The following ASIC2 variants were observed in gnomAD, a reference collection of about 807,000 sequenced individuals.
ASIC2 encodes acid sensing ion channel subunit 2, also known as acid-sensing ion channel 2.
In ASIC2, 25 loss-of-function variants were observed where a neutral mutation model predicts 57.3. That is an observed-to-expected ratio of 0.44 (90% CI 0.32 to 0.61). The LOEUF is 0.61. Ranked by LOEUF, ASIC2 falls within the 20% of genes least tolerant of loss-of-function variation. The pLI is 0.06. For missense variants in ASIC2, 641 were observed against 738.1 expected, an observed-to-expected ratio of 0.87 and a Z score of 1.52; for synonymous variants, 319 against 307.5, an observed-to-expected ratio of 1.04 and a Z score of -0.39.
rs116414570 is a variant in ASIC2, at chr17:33,540,894, A to G, written c.556-428827T>C. Reference sequence around the variant, plus strand: ...TATATGTGCTTTTCACACATTTCACATCGTTGTTGCAATAGACACAATCCC... The same window carrying G: ...TATATGTGCTTTTCACACATTTCACGTCGTTGTTGCAATAGACACAATCCC... On this transcript the variant is annotated intron_variant, in intron 1 of 9. Coordinates refer to the ASIC2 transcript ENST00000359872. Among the ~76,000 whole-genome samples the G allele has an allele frequency of 3.0e-3, 464 of 152,316 alleles. 5 individuals are homozygous for G. Among genetic ancestry groups the G allele is most frequent in the African/African-American group, 0.011 (441 of 41,570 alleles).
At chr17:33,624,604 G>T (rs1230675184) in intron 1 of ASIC2, among the ~76,000 whole-genome samples, 2 of 152,210 alleles carry the variant, frequency 1.3e-5, no homozygotes, top group Non-Finnish European at 1.5e-5. Context: ...AGGAGCGTTG[G>T]AAGAAGAGTC....
chr17:33,538,097 A>T (rs1411365803), intron 1 of ASIC2, among the ~76,000 whole-genome samples: 1 of 152,240 alleles, frequency 6.6e-6, no homozygotes, highest in Non-Finnish European at 1.5e-5. Context: ...CTTGGCATGC[A>T]GTAAGTGTTC....
chr17:33,713,567 A>G (rs1337428330), intron 1 of ASIC2, among the ~76,000 whole-genome samples: 1 of 152,234 alleles, frequency 6.6e-6, no homozygotes, highest in Non-Finnish European at 1.5e-5. Flanking sequence ...GACACCAATC[A>G]TATTGAATTC....
intron 1 of ASIC2, among the ~76,000 whole-genome samples, chr17:33,500,429 G>C (rs1275548478): frequency 1.3e-5 from 2 of 152,230 alleles, no homozygotes; most frequent in Non-Finnish European, 2.9e-5. Context: ...ATGGCCCATG[G>C]AATGGCTCCT....
At chr17:33,701,235 G>C (rs1362505177) in intron 1 of ASIC2, among the ~76,000 whole-genome samples, 1 of 152,138 alleles carries the variant, frequency 6.6e-6, no homozygotes, top group Admixed American at 6.5e-5. Flanking sequence ...GTTGTGTGTG[G>C]TGGGCGGAGG....
At chr17:33,404,561 C>A (rs1910399926) in intron 1 of ASIC2, among the ~76,000 whole-genome samples, 1 of 152,176 alleles carries the variant, frequency 6.6e-6, no homozygotes, top group Non-Finnish European at 1.5e-5. Context: ...CAATCAGTTG[C>A]ACTCCAGACC....
Position 33,292,440 on chromosome 17 carries a change from A to T in ASIC2, c.-325T>A, listed in dbSNP as rs987581606. ...CCGGCACTACTTCTGGAGGGGTCCC[A>T]CTGGGAGCCGCCTCTCCAGTCCCTG... On this transcript the variant is annotated 5_prime_UTR_variant, in exon 1 of 10. Coordinates refer to ENST00000225823, the MANE Select transcript of ASIC2 (RefSeq NM_183377.2). The T allele has an allele frequency of 1.3e-5, 13 of 985,288 alleles. No individual in the cohort carries two copies. In the African/African-American group the frequency reaches 2.1e-4, roughly 16 times the overall value. 61.0% of individuals were successfully genotyped at this position (985,288 alleles called of 1,614,324 possible).
At chr17:33,812,219 CTT>C (rs1465470446) in intron 1 of ASIC2, among the ~76,000 whole-genome samples, 1 of 152,102 alleles carries the variant, frequency 6.6e-6, no homozygotes, top group East Asian at 1.9e-4. Flanking sequence ...GCCAATTGCT[CTT>C]GAGGAAGGGC....
intron 3 of ASIC2, among the ~76,000 whole-genome samples, chr17:33,064,098 G>A (rs2092032055): frequency 1.3e-5 from 2 of 152,116 alleles, no homozygotes. Flanking sequence ...CTTTGCGATG[G>A]GTTCACACTT....
At position 33,269,685 on chromosome 17, in the gene ASIC2, TCCTG is replaced by T. The variant is rs1192370453; in HGVS notation, c.708+21719_708+21722del. Among the ~76,000 whole-genome samples, 543 of 68,360 alleles carry T rather than the reference TCCTG, an allele frequency of 7.9e-3. 16 individuals are homozygous for T. The highest frequency in any genetic ancestry group is 0.017 in the African/African-American group (310 of 17,948). The allele number at this position is 68,360 out of a possible 152,430, so 44.8% of individuals were successfully genotyped here. ...TTCCTTCCTTCCTTCCCTCCCTCCC[TCCTG>T]CCTGCCTGCCTGCCTGCCTGCCTTT... On this transcript the variant is annotated intron_variant, in intron 1 of 9. Transcript: ENST00000225823.
chr17:33,379,396 G>T (rs1262414689), intron 1 of ASIC2, among the ~76,000 whole-genome samples: 5 of 152,190 alleles, frequency 3.3e-5, no homozygotes, highest in African/African-American at 1.2e-4. Context: ...TTACCCCTTT[G>T]TCAGAAATGA....
chr17:34,153,867 T>C (rs1293610374), intron 1 of ASIC2, among the ~76,000 whole-genome samples: 1 of 152,204 alleles, frequency 6.6e-6, no homozygotes, highest in African/African-American at 2.4e-5. Context: ...TTTCACTATT[T>C]GGGAAACATT....
At chr17:33,701,887 T>C (rs1371608566) in intron 1 of ASIC2, among the ~76,000 whole-genome samples, 1 of 152,218 alleles carries the variant, frequency 6.6e-6, no homozygotes, top group African/African-American at 2.4e-5. Context: ...CATTCTAAGA[T>C]GTATGTATTT....
chr17:33,958,882 T>C (rs1904829592), intron 1 of ASIC2, among the ~76,000 whole-genome samples: 1 of 152,170 alleles, frequency 6.6e-6, no homozygotes. Flanking sequence ...TTATACTCTG[T>C]CACCTCTCCA....
intron 1 of ASIC2, among the ~76,000 whole-genome samples, chr17:33,330,726 GTTCT>G (rs981010709): frequency 3.9e-5 from 6 of 152,146 alleles, no homozygotes; most frequent in African/African-American, 1.2e-4. Flanking sequence ...TGCACTGTCA[GTTCT>G]TTCTTTCTTT....
At chr17:33,553,481 T>A (rs1340207180) in intron 1 of ASIC2, among the ~76,000 whole-genome samples, 1 of 145,566 alleles carries the variant, frequency 6.9e-6, no homozygotes, top group Admixed American at 6.7e-5. Flanking sequence ...GGGAGGCAGA[T>A]CCTTTATTAT....
chr17:34,032,174 C>T (rs1427339080), intron 1 of ASIC2, among the ~76,000 whole-genome samples: 1 of 152,164 alleles, frequency 6.6e-6, no homozygotes, highest in Non-Finnish European at 1.5e-5. Flanking sequence ...TTGGCAGAAA[C>T]TCTACAAGCC....
rs1456731843 is a variant in ASIC2, at chr17:34,113,618, CTA to C, written c.555+42358_555+42359del. Among the ~76,000 whole-genome samples, 6 of 151,636 alleles carry C rather than the reference CTA, an allele frequency of 4.0e-5. No homozygotes were observed. The East Asian group carries it at 1.2e-3, about 29-fold the overall frequency. ...TTAAGCCAGGCGTGGTGACTCATGC[CTA>C]TAATCTCAACACTTTAGGCGGCCAA... On this transcript the variant is annotated intron_variant, in intron 1 of 9. Transcript: ENST00000359872.
At chr17:33,630,215 C>T (rs1906117890) in intron 1 of ASIC2, among the ~76,000 whole-genome samples, 1 of 152,148 alleles carries the variant, frequency 6.6e-6, no homozygotes, top group South Asian at 2.1e-4. Context: ...TCTTCAGCTT[C>T]TTCATCTATC....
Sources: gnomAD v4.1 joint callset for allele counts (sites outside exome capture counted in the v4.1 genomes callset) on GRCh38, gnomAD v4.1.1 for gene constraint, MANE v1.5 for transcripts, NCBI Gene and HGNC (gene_info 2026-07-23, HGNC 2026-07-21) for gene names.